The following EEPD1 variants were observed in gnomAD, a reference collection of about 807,000 sequenced individuals.
EEPD1 encodes the protein endonuclease/exonuclease/phosphatase family domain containing 1.
Under a neutral mutation model 46.3 loss-of-function variants are expected in EEPD1, and 17 were observed. The ratio of observed to expected loss-of-function variants is 0.37; its 90% CI spans 0.25 to 0.55. EEPD1 has a LOEUF of 0.55. Among genes scored for constraint, EEPD1 ranks in the 20% least tolerant of loss-of-function variants. The pLI is 0.83. For synonymous variants in EEPD1, 313 were observed against 315.6 expected (o/e 0.99, Z 0.09); for missense variants, 673 against 745.6 (o/e 0.90, Z 1.13).
At chr7:36,284,521 G>C (rs122025) in intron 4 of EEPD1, among the ~76,000 whole-genome samples, 165 bp from the exon 5 acceptor site, 131,093 of 152,202 alleles carry the variant, frequency 0.86, 56,994 homozygotes, top group Non-Finnish European at 0.93. Context: ...GGCTGGGGAA[G>C]GGCAAGGGAG....
intron 6 of EEPD1, among the ~76,000 whole-genome samples, chr7:36,293,869 C>T (rs1787484472): frequency 1.3e-5 from 2 of 151,888 alleles, no homozygotes. Flanking sequence ...GAGGCTGAGG[C>T]AGGAGAATCG....
intron 2 of EEPD1, among the ~76,000 whole-genome samples, chr7:36,203,929 A>C (rs1355807863): frequency 6.6e-6 from 1 of 151,778 alleles, no homozygotes; most frequent in Non-Finnish European, 1.5e-5. Flanking sequence ...TACAGAATGG[A>C]GATCACGCTG....
intron 3 of EEPD1, among the ~76,000 whole-genome samples, chr7:36,246,397 T>A (rs551685887): frequency 1.3e-5 from 2 of 152,194 alleles, no homozygotes; most frequent in African/African-American, 4.8e-5. Flanking sequence ...ATAATACCTA[T>A]CCTATTAGGA....
intron 2 of EEPD1, among the ~76,000 whole-genome samples, chr7:36,160,676 T>TGGGGGGGGGGGGGGGGGGGGGG (rs150571892): frequency 2.7e-5 from 1 of 36,488 alleles, no homozygotes; most frequent in Admixed American, 2.2e-4. Context: ...TGGGAGGTGG[T>TGGGGGGGGGGGGGGGGGGGGGG]GGGGGGCGGG....
intron 3 of EEPD1, among the ~76,000 whole-genome samples, chr7:36,274,159 T>C (rs1204834261): frequency 6.6e-6 from 1 of 152,176 alleles, no homozygotes; most frequent in East Asian, 1.9e-4. Flanking sequence ...ACCCACCTCC[T>C]CTCTTTGAAG....
chr7:36,215,441 C>T (rs189589694), intron 2 of EEPD1, among the ~76,000 whole-genome samples: 3 of 152,342 alleles, frequency 2.0e-5, no homozygotes. Flanking sequence ...GTAGGTGGAA[C>T]GTTTTCCTCT....
chr7:36,280,600 G>T (rs1787246429), intron 3 of EEPD1, among the ~76,000 whole-genome samples: 1 of 152,226 alleles, frequency 6.6e-6, no homozygotes, highest in Non-Finnish European at 1.5e-5. Context: ...CACGTGTGTG[G>T]GTGCAGCAGC....
At chr7:36,279,255 G>A (rs1468282888) in intron 3 of EEPD1, among the ~76,000 whole-genome samples, 1 of 152,144 alleles carries the variant, frequency 6.6e-6, no homozygotes, top group Non-Finnish European at 1.5e-5. Context: ...GTTTATAAAG[G>A]AGGCTCAGGT....
intron 6 of EEPD1, among the ~76,000 whole-genome samples, chr7:36,291,756 G>T (rs1004861581): frequency 6.6e-6 from 1 of 152,204 alleles, no homozygotes; most frequent in South Asian, 2.1e-4. Context: ...GCCAAGTGTC[G>T]TGGATACATT....
At chr7:36,161,931 A>G (rs186716095) in intron 2 of EEPD1, among the ~76,000 whole-genome samples, 120 of 152,078 alleles carry the variant, frequency 7.9e-4, no homozygotes, top group African/African-American at 2.8e-3. Flanking sequence ...TCTACCTTAC[A>G]AAGGATTTTA....
chr7:36,183,764 T>G (rs1281963439), intron 2 of EEPD1, among the ~76,000 whole-genome samples: 4 of 152,140 alleles, frequency 2.6e-5, no homozygotes, highest in Non-Finnish European at 4.4e-5. Flanking sequence ...CCTCCCAAAG[T>G]GCTGGGATTA....
chr7:36,239,614 A>G (rs1188606436), intron 3 of EEPD1, among the ~76,000 whole-genome samples: 3 of 151,948 alleles, frequency 2.0e-5, no homozygotes, highest in African/African-American at 4.8e-5. Flanking sequence ...CCCCAAACCA[A>G]CGTTTCACTG....
At chr7:36,184,571 A>G (rs1360940407) in intron 2 of EEPD1, among the ~76,000 whole-genome samples, 1 of 152,152 alleles carries the variant, frequency 6.6e-6, no homozygotes, top group African/African-American at 2.4e-5. Flanking sequence ...GCCTCTCCTG[A>G]AGAGTGGCAG....
At chr7:36,187,224 T>C (rs1785375067) in intron 2 of EEPD1, among the ~76,000 whole-genome samples, 1 of 152,268 alleles carries the variant, frequency 6.6e-6, no homozygotes, top group Non-Finnish European at 1.5e-5. Flanking sequence ...CCTTTTTTTA[T>C]TTAAAATATT....
In EEPD1 at chr7:36,237,916, A is replaced by G. The variant is rs567816671; in HGVS notation, c.879-1069A>G. Among the ~76,000 whole-genome samples, 20 of 152,322 alleles carry G rather than the reference A, an allele frequency of 1.3e-4. No individual in the cohort carries two copies. In the South Asian group the frequency reaches 4.1e-3, roughly 32 times the overall value. ...CAGTGAGCCAAGATCACTCCACTGC[A>G]TTTCAGCCTGGGTGACAGAGTGAGA... is the stretch of plus-strand genomic sequence containing the variant. On this transcript the variant is annotated intron_variant, in intron 2 of 7. Transcript: ENST00000242108.
chr7:36,154,439 C>G lies in EEPD1; in HGVS notation c.115C>G (p.Arg39Gly), dbSNP rs1254768218. 1.2e-6 allele frequency: 2 copies of G among 1,614,190 alleles called. No individual in the cohort carries two copies. The highest frequency in any genetic ancestry group is 4.5e-5 in the East Asian group (2 of 44,882). The change falls in exon 2 of 8, where the codon CGG becomes GGG. Residue 39 changes from arginine to glycine, a missense_variant. Transcript: ENST00000242108. The surrounding 1 kb of genome is among the most constrained non-coding windows in gnomAD (Gnocchi z 4.2). Reference sequence around the variant, plus strand: ...CAGCAACATTCTAGTGAATCAGGAGCGGCTCAACATCAACACTGCCACGGA... The same window carrying G: ...CAGCAACATTCTAGTGAATCAGGAGGGGCTCAACATCAACACTGCCACGGA... ...NFSNILVNQE[R>G]LNINTATEEE... is the part of the protein sequence containing the mutation.
At chr7:36,192,971 G>A (rs962501729) in intron 2 of EEPD1, among the ~76,000 whole-genome samples, 2 of 152,338 alleles carry the variant, frequency 1.3e-5, no homozygotes, top group African/African-American at 2.4e-5. Context: ...TTTCCTGGGT[G>A]GGGCTTGGTC....
chr7:36,261,536 C>G (rs1317023953), intron 3 of EEPD1, among the ~76,000 whole-genome samples: 1 of 152,202 alleles, frequency 6.6e-6, no homozygotes, highest in East Asian at 1.9e-4. Context: ...TCAGTCCACC[C>G]TCAAATACCA....
intron 3 of EEPD1, among the ~76,000 whole-genome samples, chr7:36,243,269 A>G (rs76830937): frequency 0.025 from 3,751 of 150,250 alleles, 164 homozygotes; most frequent in African/African-American, 0.086. Flanking sequence ...GAAAGAATCT[A>G]TGAGTTGTCA....
Sources: allele counts gnomAD v4.1 joint callset (sites outside exome capture counted in the v4.1 genomes callset), GRCh38; gene constraint gnomAD v4.1.1; non-coding constraint Gnocchi (gnomAD v3.1); transcripts MANE v1.5; gene names NCBI Gene and HGNC (gene_info 2026-07-23, HGNC 2026-07-21).